The following SORL1 variants were observed in gnomAD, a reference collection of about 807,000 sequenced individuals.
The protein encoded by SORL1 is sortilin related receptor 1.
Under a neutral mutation model 273.7 loss-of-function variants are expected in SORL1, and 127 were observed. That is an observed-to-expected ratio of 0.46 (90% CI 0.40 to 0.54). The LOEUF (loss-of-function observed/expected upper bound fraction) is 0.54. Among genes scored for constraint, SORL1 ranks in the 20% least tolerant of loss-of-function variants. The pLI, the probability that SORL1 is intolerant of heterozygous loss-of-function variation, is 0.00. For missense variants in SORL1, 2,494 were observed against 2,846.1 expected (o/e 0.88, Z 2.81); for synonymous variants, 1,031 against 1,067.4 (o/e 0.97, Z 0.66).
chr11:121,541,426 T>C lies in SORL1; in HGVS notation c.1686-2122T>C, dbSNP rs560368918. Among the ~76,000 whole-genome samples, 20 of 152,282 alleles carry C rather than the reference T, an allele frequency of 1.3e-4. No homozygotes were observed. The South Asian group carries it at 3.9e-3, about 30-fold the overall frequency. Reference sequence around the variant, plus strand: ...GTTCTCATTATGTTTCTCAGGCTGGTCTCAAACTCCTGGCCTCAAAAGATC... The same window carrying C: ...GTTCTCATTATGTTTCTCAGGCTGGCCTCAAACTCCTGGCCTCAAAAGATC... On this transcript the variant is annotated intron_variant, in intron 12 of 47. Coordinates refer to ENST00000260197, the MANE Select transcript of SORL1 (RefSeq NM_003105.6).
chr11:121,591,016 C>T lies in SORL1; in HGVS notation c.4229C>T (p.Pro1410Leu), dbSNP rs1043348438. 1.2e-6 allele frequency: 2 copies of T among 1,614,226 alleles called. No individual in the cohort carries two copies. Among genetic ancestry groups the T allele is most frequent in the East Asian group, 4.5e-5 (2 of 44,890 alleles). Residue 1410 changes from proline (P) to leucine (L), a missense_variant, in exon 31 of 48, where the codon CCC becomes CTC. By Grantham distance (98) the Pro-to-Leu change is moderately conservative. Around this residue, in one of 3 missense-constraint regions of SORL1, gnomAD observed 1,609 missense variants for 1,816.4 expected, o/e 0.89. Coordinates refer to ENST00000260197, the MANE Select transcript of SORL1 (RefSeq NM_003105.6). ...TTTTTCTCAGATTCACATATTCTTC[C>T]CTTCTCGACTCCTGGGCCCTCCACG... is the stretch of plus-strand genomic sequence containing the variant. ...EKDCGDSHIL[P>L]FSTPGPSTCL...
chr11:121,545,932 T>C (rs967287667), intron 14 of SORL1, among the ~76,000 whole-genome samples: 3 of 152,224 alleles, frequency 2.0e-5, no homozygotes, highest in Admixed American at 6.5e-5. Flanking sequence ...GCACAGGAGA[T>C]AGAAGAGAGC....
At chr11:121,463,159 A>G (rs1861028925) in intron 1 of SORL1, among the ~76,000 whole-genome samples, 1 of 152,194 alleles carries the variant, frequency 6.6e-6, no homozygotes, top group Non-Finnish European at 1.5e-5. Flanking sequence ...GAGAACCACC[A>G]CATTGCCTTA....
intron 1 of SORL1, among the ~76,000 whole-genome samples, chr11:121,455,362 A>G (rs1860885824): frequency 6.6e-6 from 1 of 152,206 alleles, no homozygotes; most frequent in South Asian, 2.1e-4. Flanking sequence ...AGTGAGGTTA[A>G]GAGGACACTG....
intron 2 of SORL1, among the ~76,000 whole-genome samples, chr11:121,471,855 A>G (rs1310341845): frequency 6.6e-6 from 1 of 152,170 alleles, no homozygotes; most frequent in Non-Finnish European, 1.5e-5. Context: ...GACCACCGCT[A>G]CTGATGGCCA....
chr11:121,523,683 G>C (rs1862075642), intron 11 of SORL1, among the ~76,000 whole-genome samples: 1 of 151,946 alleles, frequency 6.6e-6, no homozygotes, highest in Non-Finnish European at 1.5e-5. Flanking sequence ...GTCTCGTTCT[G>C]TAGGGGTTGC....
chr11:121,593,521 C>G (rs1863247047), intron 31 of SORL1, among the ~76,000 whole-genome samples: 2 of 152,186 alleles, frequency 1.3e-5, no homozygotes, highest in Non-Finnish European at 1.5e-5. Context: ...GTGCCTGTTA[C>G]CCAGGGACTT....
intron 37 of SORL1, among the ~76,000 whole-genome samples, chr11:121,607,782 A>G (rs548337280): frequency 6.6e-5 from 10 of 152,214 alleles, no homozygotes; most frequent in Non-Finnish European, 1.5e-4. Context: ...TAATTTTGTC[A>G]GTACCCTTTT....
chr11:121,556,539 G>T (rs1565335306), intron 18 of SORL1, among the ~76,000 whole-genome samples: 1 of 152,200 alleles, frequency 6.6e-6, no homozygotes, highest in Non-Finnish European at 1.5e-5. Flanking sequence ...TCAGCACTTG[G>T]CTAGGGGCTA....
intron 11 of SORL1, among the ~76,000 whole-genome samples, chr11:121,526,840 C>T (rs1328040182): frequency 6.6e-6 from 1 of 152,044 alleles, no homozygotes; most frequent in Non-Finnish European, 1.5e-5. Flanking sequence ...TTTTTAGATT[C>T]TATGTAAGCA....
At chr11:121,575,314 C>T (rs1457204981) in intron 24 of SORL1, among the ~76,000 whole-genome samples, 1 of 152,252 alleles carries the variant, frequency 6.6e-6, no homozygotes, top group Non-Finnish European at 1.5e-5. Context: ...GTCCCAGACT[C>T]ATAGTTGCTG....
At chr11:121,465,603 C>CT (rs543494624) in intron 1 of SORL1, among the ~76,000 whole-genome samples, 155 of 152,154 alleles carry the variant, frequency 1.0e-3, no homozygotes, top group African/African-American at 3.5e-3. Context: ...TCTTGGCTTA[C>CT]TGCAACCTCT....
chr11:121,519,011 G>A (rs1591309306), intron 8 of SORL1, among the ~76,000 whole-genome samples: 3 of 148,736 alleles, frequency 2.0e-5, no homozygotes, highest in Non-Finnish European at 4.4e-5. Flanking sequence ...GCAGTGGCAC[G>A]ATCTCAGCTC....
Position 121,588,061 on chromosome 11 carries a change from C to A in SORL1, c.3856C>A (p.Arg1286Ser). Residue 1286 changes from arginine (R) to serine (S), a missense_variant, in exon 28 of 48, where the codon CGC becomes AGC. Around this residue, in one of 3 missense-constraint regions of SORL1, gnomAD observed 1,609 missense variants for 1,816.4 expected, o/e 0.89. Coordinates refer to ENST00000260197, the MANE Select transcript of SORL1 (RefSeq NM_003105.6). ...THFMDFVCKN[R>S]QQCLFHSMVC... ...CTTCATGGACTTTGTGTGTAAGAAC[C>A]GCCAGCAGTGCCTGTTCCACTCCAT... 1.2e-6 allele frequency: 2 copies of A among 1,613,786 alleles called. No individual in the cohort carries two copies. Among genetic ancestry groups the A allele is most frequent in the Non-Finnish European group, 1.7e-6 (2 of 1,179,828 alleles).
chr11:121,488,167 T>G lies in SORL1; in HGVS notation c.664T>G (p.Phe222Val). 2 of 1,614,124 alleles carry G rather than the reference T, an allele frequency of 1.2e-6. No individual in the cohort carries two copies. The highest frequency in any genetic ancestry group is 1.7e-6 in the Non-Finnish European group (2 of 1,180,008). The change falls in exon 4 of 48, where the codon TTT (phenylalanine) becomes GTT (valine). Residue 222 changes from phenylalanine to valine, a missense_variant. Around this residue, in one of 3 missense-constraint regions of SORL1, gnomAD observed 710 missense variants for 882.5 expected, o/e 0.80. Coordinates refer to ENST00000260197, the MANE Select transcript of SORL1 (RefSeq NM_003105.6). ...HSKASNLLLG[F>V]DRSHPNKQLW... ...TAAGGCCTCCAACCTTCTCTTGGGC[T>G]TTGACAGGTCCCACCCCAACAAGCA...
Position 121,497,030 on chromosome 11 carries a change from T to G in SORL1, c.920T>G (p.Met307Arg), listed in dbSNP as rs780280710. Residue 307 changes from methionine to arginine, a missense_variant, in exon 6 of 48, where the codon ATG becomes AGG. Transcript: ENST00000260197. ...GATTTTCAGCTTCGGGACAAGTACA[T>G]GTTTGCTACAAAGGTGGTGGTAAGT... ...VRDFQLRDKY[M>R]FATKVVHLLG... 5.6e-6 allele frequency: 9 copies of G among 1,613,682 alleles called. No homozygotes were observed. The East Asian group carries it at 6.7e-5, about 12-fold the overall frequency.
At chr11:121,503,550 A>G (rs964812251) in intron 6 of SORL1, among the ~76,000 whole-genome samples, 3 of 151,716 alleles carry the variant, frequency 2.0e-5, no homozygotes, top group African/African-American at 7.3e-5. Flanking sequence ...ATATAGTGGC[A>G]TGGTCATGGC....
chr11:121,602,704 C>T (rs373344658), intron 32 of SORL1, among the ~76,000 whole-genome samples: 3 of 152,204 alleles, frequency 2.0e-5, no homozygotes, highest in Non-Finnish European at 4.4e-5. Context: ...GCTCAGGTCA[C>T]AATGCTCATA....
At chr11:121,489,740 G>A (rs78657143) in intron 4 of SORL1, among the ~76,000 whole-genome samples, 9 of 152,300 alleles carry the variant, frequency 5.9e-5, no homozygotes, top group Non-Finnish European at 1.3e-4. Flanking sequence ...TCATCCTTTG[G>A]TTTTTACCAT....
Sources: allele counts gnomAD v4.1 joint callset (sites outside exome capture counted in the v4.1 genomes callset), GRCh38; gene constraint gnomAD v4.1.1; regional missense constraint gnomAD v4.1.1; transcripts MANE v1.5; gene names NCBI Gene and HGNC (gene_info 2026-07-23, HGNC 2026-07-21).